The following MCPH1 variants were observed in gnomAD, a reference collection of about 807,000 sequenced individuals.
MCPH1 encodes microcephalin 1.
In MCPH1, 104 loss-of-function variants were observed where a neutral mutation model predicts 84.5. The observed-to-expected ratio is 1.23, with a 90% CI of 1.05 to 1.45. The LOEUF is 1.45. Among genes scored for constraint, MCPH1 ranks in the 40% most tolerant of loss-of-function variants. The probability of loss-of-function intolerance (pLI) is 0.00; values close to 1 mark genes in which losing one functional copy is unlikely to be tolerated. For synonymous variants in MCPH1, 514 were observed against 366.8 expected, an observed-to-expected ratio of 1.40 and a Z score of -4.58; for missense variants, 1,498 against 1,005.7, an observed-to-expected ratio of 1.49 and a Z score of -6.62.
At chr8:6,516,097 G>C (rs1034334950) in intron 12 of MCPH1, among the ~76,000 whole-genome samples, 6 of 152,186 alleles carry the variant, frequency 3.9e-5, no homozygotes, top group African/African-American at 1.4e-4. Flanking sequence ...TGGCACTCAT[G>C]TTTGGAAACA....
At chr8:6,617,414 G>C (rs1830918940) in intron 12 of MCPH1, among the ~76,000 whole-genome samples, 1 of 151,546 alleles carries the variant, frequency 6.6e-6, no homozygotes, top group African/African-American at 2.4e-5. Flanking sequence ...CAAAAGTTAT[G>C]ATTTTTAAAA....
At chr8:6,440,703 G>A (rs1803377464) in intron 6 of MCPH1, among the ~76,000 whole-genome samples, 1 of 152,204 alleles carries the variant, frequency 6.6e-6, no homozygotes, top group African/African-American at 2.4e-5. Context: ...TTGATTAGAA[G>A]CAGGTTTAAG....
intron 9 of MCPH1, among the ~76,000 whole-genome samples, chr8:6,456,005 G>A (rs118027009): frequency 1.1e-3 from 166 of 152,216 alleles, no homozygotes; most frequent in Middle Eastern, 3.4e-3. Flanking sequence ...ACAGATGGGC[G>A]GCTGCATTTG....
chr8:6,598,710 C>T (rs1023112778), intron 12 of MCPH1, among the ~76,000 whole-genome samples: 5 of 152,368 alleles, frequency 3.3e-5, no homozygotes, highest in South Asian at 2.1e-4. Flanking sequence ...GGCCATGGCC[C>T]TGTGTGGGTG....
intron 12 of MCPH1, among the ~76,000 whole-genome samples, chr8:6,552,906 A>C (rs1823908792): frequency 6.6e-6 from 1 of 152,140 alleles, no homozygotes; most frequent in Non-Finnish European, 1.5e-5. Context: ...ATTCTGGAAA[A>C]GGGAAAACTG....
intron 13 of MCPH1, among the ~76,000 whole-genome samples, chr8:6,630,812 A>G (rs1012725202): frequency 1.3e-5 from 2 of 151,622 alleles, no homozygotes; most frequent in African/African-American, 4.8e-5. Flanking sequence ...AAAAACAATT[A>G]TATATCAACA....
intron 3 of MCPH1, among the ~76,000 whole-genome samples, chr8:6,427,468 C>T (rs1205194307): frequency 1.3e-5 from 2 of 152,206 alleles, no homozygotes; most frequent in East Asian, 3.9e-4. Flanking sequence ...ACCTCCTAGG[C>T]TCAAGCAATC....
intron 11 of MCPH1, among the ~76,000 whole-genome samples, chr8:6,496,058 G>T (rs116844782): frequency 0.051 from 7,758 of 152,154 alleles, 273 homozygotes; most frequent in Non-Finnish European, 0.074. Context: ...TACACTTATT[G>T]TACACTTTAT....
chr8:6,500,105 G>T, intron 12 of MCPH1, 176 bp downstream of exon 12: 1 of 634,024 alleles, frequency 1.6e-6, no homozygotes, highest in Non-Finnish European at 2.8e-6. Flanking sequence ...ACAAATGTGA[G>T]AACGTGAGAC....
intron 12 of MCPH1, among the ~76,000 whole-genome samples, chr8:6,592,157 T>A (rs1438034430): frequency 6.6e-6 from 1 of 152,146 alleles, no homozygotes; most frequent in Non-Finnish European, 1.5e-5. Context: ...TGGTTATTAT[T>A]ATTATTATTA....
intron 13 of MCPH1, among the ~76,000 whole-genome samples, chr8:6,641,595 T>C (rs1298902861): frequency 1.3e-5 from 2 of 152,038 alleles, no homozygotes; most frequent in African/African-American, 4.8e-5. Flanking sequence ...AATCAAAACA[T>C]TAACTGGGTG....
At chr8:6,549,783 G>C (rs1823292017) in intron 12 of MCPH1, among the ~76,000 whole-genome samples, 1 of 152,220 alleles carries the variant, frequency 6.6e-6, no homozygotes, top group Non-Finnish European at 1.5e-5. Context: ...TATATCTTGA[G>C]CTGGGTGGTC....
chr8:6,535,800 C>T (rs1404687300), intron 12 of MCPH1, among the ~76,000 whole-genome samples: 1 of 151,908 alleles, frequency 6.6e-6, no homozygotes, highest in Non-Finnish European at 1.5e-5. Flanking sequence ...GTAATCCCAG[C>T]ACTTTGGGAG....
intron 2 of MCPH1, among the ~76,000 whole-genome samples, chr8:6,412,031 A>G (rs1453143648): frequency 1.3e-5 from 2 of 152,308 alleles, no homozygotes; most frequent in East Asian, 3.9e-4. Context: ...GGGTGGAGCA[A>G]GAGAGCTGCT....
rs1421638654 is a variant in MCPH1 at position 6,480,614 on chromosome 8, G to A, written c.1974-100G>A. The A allele has an allele frequency of 5.3e-6, 7 of 1,317,336 alleles. No homozygotes were observed. In the African/African-American group the frequency reaches 7.2e-5, roughly 14 times the overall value. 81.6% of individuals were successfully genotyped at this position (1,317,336 alleles called of 1,614,324 possible). ...ATAACCAAAATCAGTTTCAAATTTTGGCTTTCTAGTTTTATTAGTACTAAT... is the reference window on the plus strand; with the variant it reads ...ATAACCAAAATCAGTTTCAAATTTTAGCTTTCTAGTTTTATTAGTACTAAT... On this transcript the variant is annotated intron_variant, in intron 10 of 13. Transcript: ENST00000344683.
rs1006886454 is a variant in MCPH1 at position 6,627,174 on chromosome 8, TG to T, written c.2452+5487del. The T allele has an allele frequency of 4.9e-5, 48 of 985,280 alleles. No individual in the cohort carries two copies. The African/African-American group carries it at 8.2e-4, about 17-fold the overall frequency. The allele number at this position is 985,280 out of a possible 1,614,324, so 61.0% of individuals were successfully genotyped here. On this transcript the variant is annotated intron_variant, in intron 13 of 13. Coordinates refer to ENST00000344683, the MANE Select transcript of MCPH1 (RefSeq NM_024596.5). ...ACCAGAAAAATGCACGACGCTCCCA[TG>T]GGGCCACTCGGGAGGCCTCAGGCCT...
chr8:6,555,465 C>A (rs1268008090), intron 12 of MCPH1, among the ~76,000 whole-genome samples: 1 of 142,636 alleles, frequency 7.0e-6, no homozygotes, highest in African/African-American at 2.6e-5. Context: ...GTGGTTTGCC[C>A]TTTTTTTTTT....
At chr8:6,481,645 A>G (rs1348741665) in intron 11 of MCPH1, among the ~76,000 whole-genome samples, 1 of 152,240 alleles carries the variant, frequency 6.6e-6, no homozygotes, top group African/African-American at 2.4e-5. Context: ...TGCAAAAGCT[A>G]CACATGTATT....
chr8:6,526,495 C>G (rs2129570548), intron 12 of MCPH1, among the ~76,000 whole-genome samples: 1 of 151,890 alleles, frequency 6.6e-6, no homozygotes, highest in Admixed American at 6.6e-5. Context: ...AATGATTGGT[C>G]TCAAATGTTC....
Sources: allele counts gnomAD v4.1 joint callset (sites outside exome capture counted in the v4.1 genomes callset), GRCh38; gene constraint gnomAD v4.1.1; transcripts MANE v1.5; gene names NCBI Gene and HGNC (gene_info 2026-07-23, HGNC 2026-07-21).